PRKCA: variants seen among roughly 807,000 people sequenced by gnomAD.
The protein encoded by PRKCA is protein kinase C alpha.
A neutral mutation model predicts 87.0 loss-of-function variants in PRKCA; 27 were observed. The ratio of observed to expected loss-of-function variants is 0.31; its 90% CI spans 0.23 to 0.43. PRKCA has a LOEUF of 0.43. Ranked by LOEUF, PRKCA falls within the 20% of genes least tolerant of loss-of-function variation. PRKCA has a pLI of 1.00. For missense variants in PRKCA, 518 were observed against 852.3 expected, an observed-to-expected ratio of 0.61 and a Z score of 4.88; for synonymous variants, 329 against 311.1, an observed-to-expected ratio of 1.06 and a Z score of -0.61.
chr17:66,776,851 C>A (rs868272999), intron 14 of PRKCA, among the ~76,000 whole-genome samples: 1 of 152,154 alleles, frequency 6.6e-6, no homozygotes, highest in African/African-American at 2.4e-5. Context: ...TTGGGAGGGG[C>A]GGCATGTGCA....
At chr17:66,452,513 ATGT>A (rs1206465821) in intron 2 of PRKCA, among the ~76,000 whole-genome samples, 3 of 152,164 alleles carry the variant, frequency 2.0e-5, no homozygotes, top group Admixed American at 6.5e-5. Flanking sequence ...TCCTCTTGAA[ATGT>A]TGTGCGTTCT....
intron 2 of PRKCA, among the ~76,000 whole-genome samples, chr17:66,437,045 G>C (rs539792544): frequency 3.5e-4 from 54 of 152,268 alleles, no homozygotes; most frequent in African/African-American, 1.1e-3. Context: ...GTGGTGCTTA[G>C]AAGAGGCAGC....
chr17:66,426,042 G>T (rs1340206143), intron 2 of PRKCA, among the ~76,000 whole-genome samples: 2 of 152,164 alleles, frequency 1.3e-5, no homozygotes, highest in Non-Finnish European at 2.9e-5. Flanking sequence ...TCACACCCAG[G>T]CCTCCTTTGT....
chr17:66,424,568 A>AACACACACACACACACACAC lies in PRKCA; in HGVS notation c.206-71621_206-71602dup, dbSNP rs141074503. Reference sequence around the variant, plus strand: ...GGCAGCAGAGCACGACCCTGTCTCAAACACACACACACACACACACACACA... The same window carrying AACACACACACACACACACAC: ...GGCAGCAGAGCACGACCCTGTCTCAAACACACACACACACACACACACACACACACACACACACACACACA... On this transcript the variant is annotated intron_variant, in intron 2 of 16. Transcript: ENST00000413366. Among the ~76,000 whole-genome samples, 359 of 142,044 alleles carry AACACACACACACACACACAC rather than the reference A, an allele frequency of 2.5e-3. 5 individuals are homozygous for AACACACACACACACACACAC. The highest frequency in any genetic ancestry group is 7.1e-3 in the African/African-American group (267 of 37,584). The allele number at this position is 142,044 out of a possible 152,430, so 93.2% of individuals were successfully genotyped here. A position where few individuals can be genotyped will look rare whatever the true frequency, so the allele number is the denominator to read the frequency against.
At chr17:66,376,930 T>C (rs1223601173) in intron 2 of PRKCA, among the ~76,000 whole-genome samples, 1 of 152,182 alleles carries the variant, frequency 6.6e-6, no homozygotes, top group Non-Finnish European at 1.5e-5. Context: ...CCTGCATGAC[T>C]GAGGCAGAGA....
intron 7 of PRKCA, 71 bp from the exon 8 acceptor site, chr17:66,688,880 G>A (rs552634299): frequency 3.3e-5 from 32 of 964,120 alleles, no homozygotes; most frequent in Middle Eastern, 2.1e-4. Context: ...TCACAAAACC[G>A]CTCGACTAGA....
At chr17:66,332,642 ATTCT>A (rs1405619353) in intron 2 of PRKCA, among the ~76,000 whole-genome samples, 1 of 151,994 alleles carries the variant, frequency 6.6e-6, no homozygotes, top group African/African-American at 2.4e-5. Flanking sequence ...CATTAGGTCC[ATTCT>A]ACCATTTTCT....
At chr17:66,608,466 G>A (rs78765956) in intron 3 of PRKCA, among the ~76,000 whole-genome samples, 6,682 of 152,000 alleles carry the variant, frequency 0.044, 217 homozygotes, top group East Asian at 0.15. Context: ...GTGGCCTAAC[G>A]CACTATAAAT....
chr17:66,429,524 G>A (rs953206468), intron 2 of PRKCA, among the ~76,000 whole-genome samples: 4 of 152,180 alleles, frequency 2.6e-5, no homozygotes, highest in Non-Finnish European at 5.9e-5. Flanking sequence ...GTAGTGAGGG[G>A]TTGCATGTAC....
At chr17:66,796,583 G>A in intron 16 of PRKCA, 1 of 985,188 alleles carries the variant, frequency 1.0e-6, no homozygotes, top group Non-Finnish European at 1.2e-6. Context: ...GCTTGTGTTG[G>A]TCATGCACGT....
intron 2 of PRKCA, among the ~76,000 whole-genome samples, chr17:66,322,261 T>A (rs1905714992): frequency 6.6e-6 from 1 of 152,186 alleles, no homozygotes; most frequent in Non-Finnish European, 1.5e-5. Context: ...AGACTAACAC[T>A]GTCCTGTAGA....
chr17:66,320,808 A>G (rs746153572), intron 2 of PRKCA, among the ~76,000 whole-genome samples: 2 of 152,228 alleles, frequency 1.3e-5, no homozygotes, highest in South Asian at 4.1e-4. Context: ...CCTAAAATAC[A>G]CACATACAAA....
chr17:66,345,588 G>T (rs1227720740), intron 2 of PRKCA, among the ~76,000 whole-genome samples: 1 of 152,118 alleles, frequency 6.6e-6, no homozygotes, highest in Non-Finnish European at 1.5e-5. Context: ...CAGGGTCAGG[G>T]ACCATTTTCC....
chr17:66,322,240 C>T (rs1450842187), intron 2 of PRKCA, among the ~76,000 whole-genome samples: 2 of 152,114 alleles, frequency 1.3e-5, no homozygotes, highest in Non-Finnish European at 2.9e-5. Flanking sequence ...TCTGGAAAAG[C>T]ATCTTCCTGT....
At chr17:66,719,481 A>T (rs574118054) in intron 8 of PRKCA, among the ~76,000 whole-genome samples, 2 of 152,352 alleles carry the variant, frequency 1.3e-5, no homozygotes, top group African/African-American at 4.8e-5. Context: ...AAAATTTTAG[A>T]TGTTTTAGGC....
intron 13 of PRKCA, among the ~76,000 whole-genome samples, chr17:66,768,224 G>C (rs773054096): frequency 6.6e-6 from 1 of 151,106 alleles, no homozygotes; most frequent in African/African-American, 2.4e-5. Context: ...GATTACAAGC[G>C]TGAGCCACCA....
chr17:66,430,890 A>G (rs147532256), intron 2 of PRKCA, among the ~76,000 whole-genome samples: 9 of 152,240 alleles, frequency 5.9e-5, no homozygotes, highest in African/African-American at 1.9e-4. Context: ...CCTCCAACCA[A>G]TCCTTTACCT....
At chr17:66,768,487 A>G (rs192092483) in intron 13 of PRKCA, among the ~76,000 whole-genome samples, 8 of 152,314 alleles carry the variant, frequency 5.3e-5, no homozygotes, top group Admixed American at 4.6e-4. Flanking sequence ...CCCCACTGCA[A>G]TTAGTCCATT....
At chr17:66,325,819 T>C (rs1905947339) in intron 2 of PRKCA, among the ~76,000 whole-genome samples, 1 of 152,212 alleles carries the variant, frequency 6.6e-6, no homozygotes, top group Non-Finnish European at 1.5e-5. Context: ...GCACAACTCC[T>C]ATTTTTGAAA....
Sources: gnomAD v4.1 joint callset for allele counts (sites outside exome capture counted in the v4.1 genomes callset) on GRCh38, gnomAD v4.1.1 for gene constraint, MANE v1.5 for transcripts, NCBI Gene and HGNC (gene_info 2026-07-23, HGNC 2026-07-21) for gene names.